PTPRT: variants seen among roughly 807,000 people sequenced by gnomAD.
PTPRT encodes protein tyrosine phosphatase receptor type T.
A neutral mutation model predicts 176.8 loss-of-function variants in PTPRT; 56 were observed. The observed-to-expected ratio is 0.32, with a 90% CI of 0.26 to 0.40. The LOEUF (loss-of-function observed/expected upper bound fraction) is 0.40, where lower values mean the gene tolerates loss of function less well. PTPRT is among the 10% of genes least tolerant of loss of function. The probability of loss-of-function intolerance (pLI) is 1.00; values close to 1 mark genes in which losing one functional copy is unlikely to be tolerated. For missense variants in PTPRT, 1,540 were observed against 1,908.2 expected (o/e 0.81, Z 3.60); for synonymous variants, 783 against 739.0 (o/e 1.06, Z -0.96).
intron 15 of PTPRT, among the ~76,000 whole-genome samples, chr20:42,213,501 C>T (rs1017408344): frequency 6.6e-6 from 1 of 152,128 alleles, no homozygotes; most frequent in Non-Finnish European, 1.5e-5. Context: ...ACTCTCTGGC[C>T]GCAAAAGATA....
chr20:42,830,530 C>T (rs1457012788), intron 2 of PTPRT, among the ~76,000 whole-genome samples: 2 of 152,138 alleles, frequency 1.3e-5, no homozygotes, highest in African/African-American at 2.4e-5. Context: ...CCCATTAAAA[C>T]CAGTACACAA....
chr20:42,320,979 G>C (rs960082203), intron 11 of PTPRT, among the ~76,000 whole-genome samples: 1 of 152,228 alleles, frequency 6.6e-6, no homozygotes, highest in East Asian at 1.9e-4. Context: ...ACACACAGCA[G>C]AAAAGGGGAG....
intron 23 of PTPRT, among the ~76,000 whole-genome samples, chr20:42,109,226 T>TTGAC (rs1986801617): frequency 2.0e-5 from 3 of 152,150 alleles, no homozygotes; most frequent in South Asian, 4.2e-4. Flanking sequence ...CCATGGTCTC[T>TTGAC]TGACTGACAC....
At chr20:42,243,542 T>C (rs73909242) in intron 14 of PTPRT, among the ~76,000 whole-genome samples, 2 of 152,236 alleles carry the variant, frequency 1.3e-5, no homozygotes, top group African/African-American at 4.8e-5. Flanking sequence ...AGGAACTTTG[T>C]AGGTTAAGAG....
chr20:42,573,565 G>A (rs2073197289), intron 7 of PTPRT, among the ~76,000 whole-genome samples: 1 of 151,994 alleles, frequency 6.6e-6, no homozygotes, highest in Non-Finnish European at 1.5e-5. Context: ...CACTGACTGG[G>A]TGACTACCCC....
intron 8 of PTPRT, among the ~76,000 whole-genome samples, chr20:42,462,563 G>T (rs1480729452): frequency 1.1e-4 from 16 of 152,128 alleles, no homozygotes; most frequent in Non-Finnish European, 1.8e-4. Context: ...AGTCCTAGTG[G>T]GGCTGAATTT....
At chr20:43,116,454 A>G (rs2013062021) in intron 1 of PTPRT, among the ~76,000 whole-genome samples, 1 of 152,220 alleles carries the variant, frequency 6.6e-6, no homozygotes, top group South Asian at 2.1e-4. Flanking sequence ...ACATAGGACT[A>G]CACCAAAGCC....
the PTPRT span, among the ~76,000 whole-genome samples, chr20:42,056,165 A>G: frequency 7.1e-3 from 1,085 of 152,302 alleles, 7 homozygotes; most frequent in African/African-American, 0.025. Flanking sequence ...GGCTTTTAGA[A>G]GCCAATAAGG....
At chr20:42,320,384 G>A (rs1046712910) in intron 11 of PTPRT, among the ~76,000 whole-genome samples, 1 of 152,156 alleles carries the variant, frequency 6.6e-6, no homozygotes, top group Non-Finnish European at 1.5e-5. Flanking sequence ...CCTTCCATCA[G>A]TAACAGTTCC....
intron 26 of PTPRT, among the ~76,000 whole-genome samples, chr20:42,100,631 G>A (rs1301197241): frequency 1.3e-5 from 2 of 152,112 alleles, no homozygotes; most frequent in Admixed American, 6.6e-5. Flanking sequence ...GCAGGGAGGG[G>A]GTGTTGGGAG....
Position 43,018,027 on chromosome 20 carries a change from C to T in PTPRT, c.89-132095G>A, listed in dbSNP as rs538006586. On this transcript the variant is annotated intron_variant, in intron 1 of 30. Coordinates refer to ENST00000373187, the MANE Select transcript of PTPRT (RefSeq NM_007050.6). ...CTGGATGTGTCGGGGATATCATACT[C>T]TCTGTTTAACTTAACCCTAGGTATG... 7.9e-5 allele frequency among the ~76,000 whole-genome samples: 12 copies of T among 152,332 alleles called. No homozygotes were observed. The East Asian group carries it at 1.4e-3, about 17-fold the overall frequency.
intron 7 of PTPRT, among the ~76,000 whole-genome samples, chr20:42,669,097 C>T (rs2075370499): frequency 6.6e-6 from 1 of 152,034 alleles, no homozygotes; most frequent in South Asian, 2.1e-4. Context: ...TTTCATCTCT[C>T]TTCCGTGGTC....
chr20:42,674,155 T>C (rs1343313989), intron 7 of PTPRT, among the ~76,000 whole-genome samples: 3 of 152,188 alleles, frequency 2.0e-5, no homozygotes, highest in African/African-American at 4.8e-5. Flanking sequence ...GGAATTCTCT[T>C]AAAAATTAAT....
At chr20:42,983,291 G>C (rs1285187633) in intron 1 of PTPRT, among the ~76,000 whole-genome samples, 1 of 152,170 alleles carries the variant, frequency 6.6e-6, no homozygotes, top group African/African-American at 2.4e-5. Context: ...CTCCAAGGTT[G>C]GAAATAACAA....
intron 8 of PTPRT, among the ~76,000 whole-genome samples, chr20:42,468,628 T>C (rs2071140193): frequency 6.6e-6 from 1 of 152,232 alleles, no homozygotes; most frequent in African/African-American, 2.4e-5. Context: ...GGCTTTTTTT[T>C]CTTGGTGACA....
At chr20:42,287,093 G>T (rs2147073257) in intron 12 of PTPRT, among the ~76,000 whole-genome samples, 1 of 151,986 alleles carries the variant, frequency 6.6e-6, no homozygotes, top group Middle Eastern at 3.4e-3. Context: ...AACAAATGCT[G>T]CTGAGGATGT....
At chr20:42,491,679 C>T (rs755869021) in intron 7 of PTPRT, among the ~76,000 whole-genome samples, 10 of 152,160 alleles carry the variant, frequency 6.6e-5, no homozygotes, top group Non-Finnish European at 1.5e-4. Context: ...AGTGAATCCT[C>T]GTCACACACC....
At chr20:43,126,959 T>C (rs1410972970) in intron 1 of PTPRT, among the ~76,000 whole-genome samples, 1 of 152,198 alleles carries the variant, frequency 6.6e-6, no homozygotes, top group East Asian at 1.9e-4. Flanking sequence ...GGATTCTGCG[T>C]GAACAAGAAA....
At position 42,340,124 on chromosome 20, in the gene PTPRT, T is replaced by C. The variant is rs1200033865; in HGVS notation, c.1865+10504A>G. 2.6e-5 allele frequency among the ~76,000 whole-genome samples: 4 copies of C among 152,182 alleles called. No individual in the cohort carries two copies. The East Asian group carries it at 5.8e-4, about 22-fold the overall frequency. ...GTCAGCCACTAGCTACTTGTGGCCA[T>C]TGGGTACTTGAGATGTGGCTAATGC... On this transcript the variant is annotated intron_variant, in intron 11 of 30. Transcript: ENST00000373187.
Sources: gnomAD v4.1 joint callset for allele counts (sites outside exome capture counted in the v4.1 genomes callset) on GRCh38, gnomAD v4.1.1 for gene constraint, MANE v1.5 for transcripts, NCBI Gene and HGNC (gene_info 2026-07-23, HGNC 2026-07-21) for gene names.